VPS53: variants seen among roughly 807,000 people sequenced by gnomAD.
VPS53 encodes the protein vacuolar protein sorting-associated protein 53 homolog.
VPS53 carries 70 observed loss-of-function variants against 107.0 expected under a neutral mutation model. That is an observed-to-expected ratio of 0.65 (90% confidence interval 0.54 to 0.80). The LOEUF (loss-of-function observed/expected upper bound fraction) is 0.80. Among genes scored for constraint, VPS53 ranks in the 30% least tolerant of loss-of-function variants. The pLI, the probability that VPS53 is intolerant of heterozygous loss-of-function variation, is 0.00. For synonymous variants in VPS53, 409 were observed against 393.3 expected, an observed-to-expected ratio of 1.04 and a Z score of -0.47; for missense variants, 917 against 1,049.4, an observed-to-expected ratio of 0.87 and a Z score of 1.74.
rs183193540 is a variant in VPS53 at position 620,010 on chromosome 17, T to A, written c.1116+3523A>T. On this transcript the variant is annotated intron_variant, in intron 11 of 21. Transcript: ENST00000437048. The stretch of plus-strand genomic sequence containing the variant: ...TAGTATTTCCTTTTCTGACCTGCAT[T>A]TTCTTTAAGGCTATTTTCACCTGTT... 3.3e-3 allele frequency among the ~76,000 whole-genome samples: 500 copies of A among 151,882 alleles called. 6 individuals are homozygous for A. Among genetic ancestry groups the A allele is most frequent in the African/African-American group, 0.012 (473 of 41,120 alleles).
At chr17:705,214 C>T (rs1177066071) in intron 2 of VPS53, among the ~76,000 whole-genome samples, 3 of 152,130 alleles carry the variant, frequency 2.0e-5, no homozygotes, top group African/African-American at 4.8e-5. Context: ...TTTCTCCTTA[C>T]ACTCAGTAAT....
At chr17:650,195 G>C (rs755062854) in intron 7 of VPS53, among the ~76,000 whole-genome samples, 4 of 152,168 alleles carry the variant, frequency 2.6e-5, no homozygotes, top group Non-Finnish European at 5.9e-5. Flanking sequence ...TGAGTGTTTA[G>C]AGGAAGAAGA....
At position 627,290 on chromosome 17, in the gene VPS53, T is replaced by C. The variant is rs367927476; in HGVS notation, c.858A>G (p.Arg286=). 55 of 1,613,430 alleles carry C rather than the reference T, an allele frequency of 3.4e-5. No homozygotes were observed. The highest frequency in any genetic ancestry group is 4.6e-5 in the Non-Finnish European group (54 of 1,179,790). Reference sequence around the variant, plus strand: ...GCTGGCGTTTTATCCAGGCATAGCGTCTGTCGATTTTGTCCAGCCAGGCAA... The same window carrying C: ...GCTGGCGTTTTATCCAGGCATAGCGCCTGTCGATTTTGTCCAGCCAGGCAA... The part of the protein sequence containing the change: ...QDVAWLDKID[R]RYAWIKRQLV... Residue 286 remains arginine (R), a synonymous_variant, in exon 10 of 22, where the codon AGA becomes AGG. Transcript: ENST00000437048.
intron 17 of VPS53, among the ~76,000 whole-genome samples, chr17:547,458 A>C (rs1256922987): frequency 6.6e-6 from 1 of 152,172 alleles, no homozygotes; most frequent in Non-Finnish European, 1.5e-5. Context: ...CTAGGTATGC[A>C]AAATGTCAGG....
At chr17:538,951 G>A (rs1385679601) in intron 17 of VPS53, 1 of 152,152 alleles carries the variant, frequency 6.6e-6, no homozygotes, top group African/African-American at 2.4e-5. Context: ...TCCAAACAAT[G>A]AGCATCCTGG....
intron 12 of VPS53, among the ~76,000 whole-genome samples, chr17:596,804 T>C (rs1182556332): frequency 1.3e-5 from 2 of 152,242 alleles, no homozygotes; most frequent in South Asian, 2.1e-4. Context: ...CTAAGTCATT[T>C]AGCAGTAATG....
chr17:607,372 G>A (rs1446755244), intron 11 of VPS53, among the ~76,000 whole-genome samples: 1 of 152,060 alleles, frequency 6.6e-6, no homozygotes, highest in South Asian at 2.1e-4. Context: ...CTACAACAAC[G>A]CACATACCAC....
Position 623,651 on chromosome 17 carries a change from C to G in VPS53, c.998G>C (p.Arg333Pro). ...VTRAELAKIM[R>P]TRAKEIEVKL... ...CACTTCAATTTCCTTCGCTCTGGTA[C>G]GCATAATCTTGGCAAGTTCTGCCCT... is the stretch of plus-strand genomic sequence containing the variant. Residue 333 changes from arginine (R) to proline (P), a missense_variant, in exon 11 of 22, where the codon CGT (arginine) becomes CCT (proline). Physicochemically the swap from Arg to Pro is moderately radical, Grantham distance 103 (BLOSUM62 -2). Coordinates refer to ENST00000437048, the MANE Select transcript of VPS53 (RefSeq NM_001128159.3). 6.2e-7 allele frequency: 1 copy of G among 1,612,904 alleles called. No homozygotes were observed. Among genetic ancestry groups the G allele is most frequent in the East Asian group, 2.2e-5 (1 of 44,866 alleles).
At chr17:643,182 G>C (rs768614925) in intron 7 of VPS53, among the ~76,000 whole-genome samples, 21 of 37,584 alleles carry the variant, frequency 5.6e-4, no homozygotes, top group African/African-American at 1.4e-3. Context: ...TACTTGGAAA[G>C]CGAGGACAAC....
intron 13 of VPS53, among the ~76,000 whole-genome samples, chr17:575,385 A>G (rs964197337): frequency 6.6e-6 from 1 of 152,216 alleles, no homozygotes; most frequent in African/African-American, 2.4e-5. Context: ...GGTGAAGTGC[A>G]ATCAGACCTA....
rs76941019 is a variant in VPS53 at position 510,341 on chromosome 17, T to C, written c.*8787A>G. ...ACATATCAAATCTTGGCTGACCCCTTACTAGTCACATATCGAATCCTGGCT... is the reference window on the plus strand; with the variant it reads ...ACATATCAAATCTTGGCTGACCCCTCACTAGTCACATATCGAATCCTGGCT... On this transcript the variant is annotated 3_prime_UTR_variant, in exon 22 of 22. Transcript: ENST00000437048. 201 of 154,832 alleles carry C rather than the reference T, an allele frequency of 1.3e-3. No individual in the cohort carries two copies. The highest frequency in any genetic ancestry group is 3.1e-3 in the East Asian group (12 of 3,898). 9.6% of individuals were successfully genotyped at this position (154,832 alleles called of 1,614,324 possible).
At chr17:601,201 T>G (rs988444519) in intron 12 of VPS53, 1 of 152,242 alleles carries the variant, frequency 6.6e-6, no homozygotes. Context: ...TGTCATAACA[T>G]GGCAGTTAAC....
intron 11 of VPS53, among the ~76,000 whole-genome samples, chr17:606,349 A>G (rs751093953): frequency 3.9e-5 from 6 of 152,128 alleles, no homozygotes; most frequent in Non-Finnish European, 7.4e-5. Flanking sequence ...ACCATGGGGT[A>G]TGCTGTTTAA....
intron 5 of VPS53, among the ~76,000 whole-genome samples, chr17:659,188 ACT>A (rs1273802483): frequency 2.0e-5 from 3 of 152,084 alleles, no homozygotes; most frequent in Non-Finnish European, 4.4e-5. Context: ...CCCACTTGCA[ACT>A]CTGAAATCAG....
rs1908697110 is a variant in VPS53, at chr17:520,861, C to CACCCTCACCTACATGAGCTCTTG, written c.2223+739_2223+740insCAAGAGCTCATGTAGGTGAGGGT. ...TTCACCCTCACCTACATGAGCTCTT[C>CACCCTCACCTACATGAGCTCTTG]ACCCTCACCTACATGAGCTCTTCAC... On this transcript the variant is annotated intron_variant, in intron 20 of 21. Transcript: ENST00000437048. The surrounding 1 kb of genome is among the most constrained non-coding windows in gnomAD (Gnocchi z 4.4). 1.3e-5 allele frequency among the ~76,000 whole-genome samples: 2 copies of CACCCTCACCTACATGAGCTCTTG among 151,864 alleles called. No homozygotes were observed. The highest frequency in any genetic ancestry group is 4.8e-5 in the African/African-American group (2 of 41,318).
At chr17:630,041 C>A (rs1969886836) in intron 8 of VPS53, among the ~76,000 whole-genome samples, 1 of 152,136 alleles carries the variant, frequency 6.6e-6, no homozygotes, top group Non-Finnish European at 1.5e-5. Context: ...TGCCTGTAAT[C>A]CCAGCACTTT....
At chr17:714,423 A>G in intron 1 of VPS53, 200 bp downstream of exon 1, 1 of 588,950 alleles carries the variant, frequency 1.7e-6, no homozygotes, top group Non-Finnish European at 3.0e-6. Context: ...GCCAAAGACA[A>G]TCAAAGCCTA....
chr17:591,761 T>G (rs1037766648), intron 12 of VPS53, among the ~76,000 whole-genome samples: 1 of 152,230 alleles, frequency 6.6e-6, no homozygotes, highest in East Asian at 1.9e-4. Flanking sequence ...TTATAATTTC[T>G]TTTACATTTG....
At position 520,457 on chromosome 17, in the gene VPS53, A is replaced by G. The variant is rs150503640; in HGVS notation, c.2224-527T>C. On this transcript the variant is annotated intron_variant, in intron 20 of 21. Transcript: ENST00000437048. The surrounding 1 kb of genome is among the most constrained non-coding windows in gnomAD (Gnocchi z 4.4). ...AGTAAGTGGATTTCTGCAAAAACAAAAATGCCAAAGCTGCCTCACCTTTTG... is the reference window on the plus strand; with the variant it reads ...AGTAAGTGGATTTCTGCAAAAACAAGAATGCCAAAGCTGCCTCACCTTTTG... Among the ~76,000 whole-genome samples the G allele has an allele frequency of 1.8e-4, 28 of 152,332 alleles. No individual in the cohort carries two copies. The highest frequency in any genetic ancestry group is 4.0e-4 in the Non-Finnish European group (27 of 68,030).
Sources: allele counts gnomAD v4.1 joint callset (sites outside exome capture counted in the v4.1 genomes callset), GRCh38; gene constraint gnomAD v4.1.1; non-coding constraint Gnocchi (gnomAD v3.1); transcripts MANE v1.5; gene names NCBI Gene and HGNC (gene_info 2026-07-23, HGNC 2026-07-21).